Variants in RC3H2 observed in about 807,000 individuals in gnomAD.
The protein encoded by RC3H2 is ring finger and CCCH-type domains 2.
Under a neutral mutation model 133.3 loss-of-function variants are expected in RC3H2, and 31 were observed. That is an observed-to-expected ratio of 0.23 (90% confidence interval 0.17 to 0.31). RC3H2 has a LOEUF of 0.31. RC3H2 is among the 10% of genes least tolerant of loss of function. RC3H2 has a pLI of 1.00. For synonymous variants in RC3H2, 517 were observed against 502.2 expected (o/e 1.03, Z -0.40); for missense variants, 1,175 against 1,437.2 (o/e 0.82, Z 2.95).
chr9:122,859,195 A>C (rs1038832782), intron 11 of RC3H2, 93 bp from the exon 12 acceptor site: 14 of 1,019,966 alleles, frequency 1.4e-5, no homozygotes, highest in Non-Finnish European at 1.8e-5. Context: ...TAATGTAGGA[A>C]AATATAATAA....
intron 4 of RC3H2, among the ~76,000 whole-genome samples, chr9:122,889,395 A>G (rs1181957077): frequency 6.6e-6 from 1 of 152,152 alleles, no homozygotes; most frequent in Non-Finnish European, 1.5e-5. Flanking sequence ...TTTATAGAGA[A>G]TAAGAAATGC....
intron 4 of RC3H2, among the ~76,000 whole-genome samples, chr9:122,885,713 T>G (rs550089685): frequency 4.3e-4 from 66 of 152,324 alleles, no homozygotes; most frequent in Middle Eastern, 3.4e-3. Flanking sequence ...ATTTACTACA[T>G]TCACAATGTG....
At chr9:122,897,024 TAAAAAAAAAA>T (rs139505008) in intron 2 of RC3H2, among the ~76,000 whole-genome samples, 2 of 37,022 alleles carry the variant, frequency 5.4e-5, no homozygotes, top group Non-Finnish European at 1.1e-4. Flanking sequence ...AGACTCTGTC[TAAAAAAAAAA>T]AAAAAAAAAA....
intron 9 of RC3H2, among the ~76,000 whole-genome samples, chr9:122,876,259 G>A (rs139399393): frequency 1.4e-4 from 21 of 152,282 alleles, no homozygotes; most frequent in Non-Finnish European, 2.6e-4. Flanking sequence ...ATGGAAGGCA[G>A]GAGGAGGAGG....
chr9:122,899,931 T>G (rs1832591918), intron 1 of RC3H2, among the ~76,000 whole-genome samples: 1 of 152,172 alleles, frequency 6.6e-6, no homozygotes, highest in Admixed American at 6.5e-5. Flanking sequence ...ACCTTTTCCT[T>G]AGTTTTCCAA....
At chr9:122,895,265 A>ACCTC (rs1291405159) in intron 2 of RC3H2, among the ~76,000 whole-genome samples, 3 of 151,624 alleles carry the variant, frequency 2.0e-5, no homozygotes, top group Non-Finnish European at 4.4e-5. Flanking sequence ...GCTCAAGTGA[A>ACCTC]CCTCCCATCT....
Position 122,867,457 on chromosome 9 carries a change from G to T in RC3H2, c.1326-1800C>A, listed in dbSNP as rs376885100. Among the ~76,000 whole-genome samples, 193 of 149,258 alleles carry T rather than the reference G, an allele frequency of 1.3e-3. No individual in the cohort carries two copies. The East Asian group carries it at 0.027, about 21-fold the overall frequency. ...CAGCCACCCCGTCCAGGAGGGAGGT[G>T]GGGGGGTCAGCCCCCCGCCCGGCCA... is the stretch of plus-strand genomic sequence containing the variant. On this transcript the variant is annotated intron_variant, in intron 9 of 20. Transcript: ENST00000357244.
At chr9:122,860,192 C>T in intron 10 of RC3H2, 61 bp from the exon 11 acceptor site, 1 of 1,241,186 alleles carries the variant, frequency 8.1e-7, no homozygotes, top group Non-Finnish European at 1.2e-6. Context: ...GTCCTCCTTA[C>T]TAGAAATTTT....
At chr9:122,855,086 C>G in intron 15 of RC3H2, 98 bp downstream of exon 15, 2 of 953,132 alleles carry the variant, frequency 2.1e-6, no homozygotes, top group Non-Finnish European at 3.1e-6. Context: ...GCATTCCAGT[C>G]TGGGCAACAG....
At chr9:122,883,530 A>G (rs1417101444) in intron 4 of RC3H2, 151 bp from the exon 5 acceptor site, 2 of 522,090 alleles carry the variant, frequency 3.8e-6, no homozygotes, top group Non-Finnish European at 6.5e-6. Flanking sequence ...CACGTACATA[A>G]TTTAAAAAGT....
At chr9:122,850,600 G>A (rs1829985374) in intron 20 of RC3H2, among the ~76,000 whole-genome samples, 1 of 151,724 alleles carries the variant, frequency 6.6e-6, no homozygotes, top group African/African-American at 2.4e-5. Context: ...CCGCCACTAT[G>A]CCCAGCTAAT....
At position 122,871,320 on chromosome 9, in the gene RC3H2, C is replaced by T. The variant is rs368720900; in HGVS notation, c.1326-5663G>A. Among the ~76,000 whole-genome samples, 8 of 150,878 alleles carry T rather than the reference C, an allele frequency of 5.3e-5. No individual in the cohort carries two copies. The East Asian group carries it at 1.2e-3, about 22-fold the overall frequency. On this transcript the variant is annotated intron_variant, in intron 9 of 20. Coordinates refer to ENST00000357244, the MANE Select transcript of RC3H2 (RefSeq NM_001100588.3). ...TGTATCTTCTTTTTTTTTTTTGAGA[C>T]GGAGTCTCGCTCTGTTGCCCAGGCT...
chr9:122,859,248 C>A (rs1292707585), intron 11 of RC3H2, 146 bp from the exon 12 acceptor site: 2 of 384,400 alleles, frequency 5.2e-6, no homozygotes, highest in Non-Finnish European at 3.7e-6. Flanking sequence ...GCTTTATACC[C>A]TGGCTTTTTT....
intron 1 of RC3H2, among the ~76,000 whole-genome samples, chr9:122,900,342 G>A (rs117835102): frequency 0.016 from 2,419 of 152,046 alleles, 34 homozygotes; most frequent in South Asian, 0.064. Context: ...TCCCTTATAC[G>A]ATCAGATGTA....
At chr9:122,853,759 A>G in intron 18 of RC3H2, 193 bp downstream of exon 18, 1 of 1,412,048 alleles carries the variant, frequency 7.1e-7, no homozygotes, top group Non-Finnish European at 9.4e-7. Flanking sequence ...AAAAACAAAA[A>G]TCCCGATGAT....
rs2131385667 is a variant in RC3H2, at chr9:122,854,539, A to G, written c.2892T>C (p.Tyr964=). 6.2e-7 allele frequency: 1 copy of G among 1,610,552 alleles called. No homozygotes were observed. Among genetic ancestry groups the G allele is most frequent in the Non-Finnish European group, 8.5e-7 (1 of 1,176,712 alleles). Residue 964 remains tyrosine, a synonymous_variant, in exon 16 of 21, where the codon TAT becomes TAC. Transcript: ENST00000357244. ...ATTAAGAAGAACGTTACCTTTCAAC[A>G]TAGTGTGCTGATGATGTGGCCTCGT... ...YGNEATSSAH[Y]VERDRFIVTD...
chr9:122,897,532 T>G lies in RC3H2; in HGVS notation c.-23A>C, dbSNP rs925037946. On this transcript the variant is annotated 5_prime_UTR_variant, in exon 2 of 21. Coordinates refer to ENST00000357244, the MANE Select transcript of RC3H2 (RefSeq NM_001100588.3). ...CATTGTGGAAGCTGGATGCTCGGGT[T>G]AGCAGTCTAGCAGATCATTATTTTG... 2.5e-5 allele frequency: 40 copies of G among 1,598,294 alleles called. No individual in the cohort carries two copies. The highest frequency in any genetic ancestry group is 3.3e-5 in the Non-Finnish European group (39 of 1,170,152).
chr9:122,849,742 A>T lies in RC3H2; in HGVS notation c.3461T>A (p.Leu1154His). 1.2e-6 allele frequency: 2 copies of T among 1,609,662 alleles called. No homozygotes were observed. Among genetic ancestry groups the T allele is most frequent in the Non-Finnish European group, 1.7e-6 (2 of 1,177,756 alleles). Residue 1154 changes from leucine (L) to histidine (H), a missense_variant, in exon 21 of 21, where the codon CTC becomes CAC. Physicochemically the swap from Leu to His is moderately conservative, Grantham distance 99 (BLOSUM62 -3). Around this residue, in one of 8 missense-constraint regions of RC3H2, gnomAD observed 220 missense variants for 201.1 expected, o/e 1.09. Transcript: ENST00000357244. ...AGCACTGACAGATGTGGTGATGGGG[A>T]GGCAACTTGCATTGCTAATAGACAC... ...LPVSISNASC[L>H]PITTSVSAGN...
chr9:122,855,683 C>T (rs368450256), intron 14 of RC3H2, 49 bp downstream of exon 14: 43 of 1,562,156 alleles, frequency 2.8e-5, no homozygotes, highest in Admixed American at 1.6e-4. Context: ...CATGAGTGAA[C>T]ATGCATCATC....
Sources: allele counts gnomAD v4.1 joint callset (sites outside exome capture counted in the v4.1 genomes callset), GRCh38; gene constraint gnomAD v4.1.1; regional missense constraint gnomAD v4.1.1; transcripts MANE v1.5; gene names NCBI Gene and HGNC (gene_info 2026-07-23, HGNC 2026-07-21).